Variants in HPS5 observed in about 807,000 individuals in gnomAD.
HPS5 encodes HPS5 biogenesis of lysosomal organelles complex 2 subunit 2.
HPS5 carries 83 observed loss-of-function variants against 128.0 expected under a neutral mutation model. The ratio of observed to expected loss-of-function variants is 0.65; its 90% CI spans 0.54 to 0.78. The LOEUF is 0.78. HPS5 is among the 30% of genes least tolerant of loss of function. The pLI is 0.00. For synonymous variants in HPS5, 475 were observed against 470.2 expected, an observed-to-expected ratio of 1.01 and a Z score of -0.13; for missense variants, 1,281 against 1,326.2, an observed-to-expected ratio of 0.97 and a Z score of 0.53.
Position 18,311,005 on chromosome 11 carries a change from C to T in HPS5, c.285-72G>A, listed in dbSNP as rs903155355. ...GTACAATTTTGTTGCATCACAGTAT[C>T]AACTATATCAAATACATATGCAACT... is the stretch of plus-strand genomic sequence containing the variant. On this transcript the variant is annotated intron_variant, in intron 4 of 22. Transcript: ENST00000349215. 5.7e-5 allele frequency: 59 copies of T among 1,042,058 alleles called. 1 individual carries two copies. Among genetic ancestry groups the T allele is most frequent in the South Asian group, 5.6e-4 (44 of 78,592 alleles). 64.6% of individuals were successfully genotyped at this position (1,042,058 alleles called of 1,614,324 possible). A position where few individuals can be genotyped will look rare whatever the true frequency, so the allele number is the denominator to read the frequency against.
At position 18,285,396 on chromosome 11, in the gene HPS5, AG is replaced by A; in HGVS notation, c.2900del (p.Pro967LeufsTer5). ...SQLILHLIKL[P>X]ADFITKEKMT... ...TTTTCTCTTTGGTTATAAAATCTGC[AG>A]GAAGTTTAATTAGATGAAGGATCAG... On this transcript the variant is annotated frameshift_variant, in exon 20 of 23. Transcript: ENST00000349215. LOFTEE classifies it high-confidence loss of function. The A allele has an allele frequency of 1.9e-6, 3 of 1,613,710 alleles. No individual in the cohort carries two copies. The highest frequency in any genetic ancestry group is 1.3e-5 in the African/African-American group (1 of 75,048).
At chr11:18,297,811 G>T in intron 10 of HPS5, 94 bp from the exon 11 acceptor site, 3 of 1,224,880 alleles carry the variant, frequency 2.4e-6, no homozygotes, top group Non-Finnish European at 3.6e-6. Flanking sequence ...CGGGCACGGT[G>T]GCTCACGCCT....
intron 8 of HPS5, among the ~76,000 whole-genome samples, chr11:18,302,346 G>C (rs975084856): frequency 6.6e-6 from 1 of 152,036 alleles, no homozygotes; most frequent in Admixed American, 6.6e-5. Flanking sequence ...AACTTACAAT[G>C]TTCTTAATCT....
At position 18,310,718 on chromosome 11, in the gene HPS5, C is replaced by T. The variant is rs371610291; in HGVS notation, c.477+23G>A. On this transcript the variant is annotated intron_variant, in intron 5 of 22. Coordinates refer to ENST00000349215, the MANE Select transcript of HPS5 (RefSeq NM_181507.2). ...AACACCTTGTATCTCACTACATACA[C>T]AAAGAATGGGACTGCTTCTCACCTT... 2.5e-6 allele frequency: 4 copies of T among 1,579,390 alleles called. No individual in the cohort carries two copies. In the African/African-American group the frequency reaches 4.0e-5, roughly 16 times the overall value.
rs755354385 is a variant in HPS5, at chr11:18,298,854, C to G, written c.1102G>C (p.Gly368Arg). ...ERCVERLLRRGLWNLAARTCC... is the reference protein window; with the variant it reads ...ERCVERLLRRRLWNLAARTCC... The stretch of plus-strand genomic sequence containing the variant: ...GTACGAGCAGCCAAGTTCCATAGGC[C>G]TCTTCTTAGCAGGCGTTCCACACAG... Residue 368 changes from glycine to arginine, a missense_variant, in exon 10 of 23, where the codon GGC becomes CGC. Gly to Arg is a moderately radical substitution (Grantham distance 125). Coordinates refer to ENST00000349215, the MANE Select transcript of HPS5 (RefSeq NM_181507.2). 1.2e-6 allele frequency: 2 copies of G among 1,614,046 alleles called. No individual in the cohort carries two copies. Among genetic ancestry groups the G allele is most frequent in the Non-Finnish European group, 1.7e-6 (2 of 1,180,044 alleles).
At position 18,287,539 on chromosome 11, in the gene HPS5, G is replaced by A; in HGVS notation, c.2713C>T (p.Gln905Ter). ...CAAATATGCTCTCCTTCTCACCGCT[G>A]ATCTTCAGGCCTTGATTTCACCAGA... ...DSLVKSRPED[Q>*]RSSFLESLLQ... The change falls in exon 18 of 23, where the codon CAG (glutamine) becomes TAG (stop). Residue 905 changes from glutamine (Q) to a stop codon, truncating the protein, a stop_gained. Coordinates refer to ENST00000349215, the MANE Select transcript of HPS5 (RefSeq NM_181507.2). LOFTEE classifies it high-confidence loss of function. 6.2e-7 allele frequency: 1 copy of A among 1,614,046 alleles called. No homozygotes were observed. Among genetic ancestry groups the A allele is most frequent in the Non-Finnish European group, 8.5e-7 (1 of 1,179,964 alleles).
At position 18,306,195 on chromosome 11, in the gene HPS5, A is replaced by AT; in HGVS notation, c.763dup (p.Ile255AsnfsTer27). 1 of 1,614,150 alleles carries AT rather than the reference A, an allele frequency of 6.2e-7. No homozygotes were observed. Among genetic ancestry groups the AT allele is most frequent in the Non-Finnish European group, 8.5e-7 (1 of 1,179,968 alleles). On this transcript the variant is annotated frameshift_variant, in exon 7 of 23. Transcript: ENST00000349215. LOFTEE classifies it high-confidence loss of function. ...GAGTTTCTTGAACTGATGTGTACTT[A>AT]TAACTTCTCCATCAAAGTTCACTTC...
At chr11:18,314,138 C>T (rs1219782075) in intron 2 of HPS5, among the ~76,000 whole-genome samples, 1 of 152,160 alleles carries the variant, frequency 6.6e-6, no homozygotes, top group Non-Finnish European at 1.5e-5. Context: ...CTGCCTGACG[C>T]CAGTTCAAGG....
At chr11:18,294,030 T>C (rs1860757319) in intron 14 of HPS5, among the ~76,000 whole-genome samples, 1 of 152,228 alleles carries the variant, frequency 6.6e-6, no homozygotes, top group African/African-American at 2.4e-5. Context: ...GTTTCTCTCT[T>C]AATTCCTGGG....
At chr11:18,318,660 A>G (rs1863925898) in intron 1 of HPS5, among the ~76,000 whole-genome samples, 1 of 152,364 alleles carries the variant, frequency 6.6e-6, no homozygotes. Flanking sequence ...AGAAAAAAAG[A>G]AAAGAAAATT....
chr11:18,311,330 T>A, intron 4 of HPS5, 57 bp downstream of exon 4: 2 of 1,214,812 alleles, frequency 1.6e-6, no homozygotes, highest in South Asian at 1.2e-5. Flanking sequence ...AACAAACACA[T>A]GTGTCAATTT....
chr11:18,311,333 G>T, intron 4 of HPS5, 54 bp downstream of exon 4: 1 of 1,259,308 alleles, frequency 7.9e-7, no homozygotes, highest in Non-Finnish European at 1.2e-6. Flanking sequence ...AAACACATGT[G>T]TCAATTTAAA....
At chr11:18,302,192 G>A (rs1861783729) in intron 8 of HPS5, among the ~76,000 whole-genome samples, 1 of 151,910 alleles carries the variant, frequency 6.6e-6, no homozygotes, top group Non-Finnish European at 1.5e-5. Context: ...CTGGTCTGGA[G>A]GACTCATTTT....
chr11:18,315,004 T>C (rs1863452038), intron 2 of HPS5, among the ~76,000 whole-genome samples: 1 of 151,176 alleles, frequency 6.6e-6, no homozygotes, highest in Admixed American at 6.6e-5. Context: ...CAGGGCAGCT[T>C]CTTCCTCTTA....
intron 18 of HPS5, 35 bp from the exon 19 acceptor site, chr11:18,286,745 T>C (rs772121827): frequency 6.2e-7 from 1 of 1,612,598 alleles, no homozygotes; most frequent in South Asian, 1.1e-5. Flanking sequence ...TCACCAATCT[T>C]CATGCTAAGA....
At chr11:18,286,962 C>T in intron 18 of HPS5, 1 of 612,208 alleles carries the variant, frequency 1.6e-6, no homozygotes, top group East Asian at 2.7e-5. Flanking sequence ...CAAATAAAAA[C>T]CAGTGTGGCC....
chr11:18,306,308 T>C lies in HPS5; in HGVS notation c.651A>G (p.Gly217=). ...FWKIGNKERD[G]EYGACFFPGR... is the part of the protein sequence containing the mutation. ...CAGGAAAGAAACAAGCTCCATATTC[T>C]CCATCTCTTTCCTTGTTTCCAATTT... The change falls in exon 7 of 23, where the codon GGA becomes GGG. Residue 217 remains glycine, a synonymous_variant. Transcript: ENST00000349215. The C allele has an allele frequency of 6.2e-7, 1 of 1,614,054 alleles. No homozygotes were observed. Among genetic ancestry groups the C allele is most frequent in the Middle Eastern group, 1.6e-4 (1 of 6,062 alleles).
intron 5 of HPS5, 86 bp downstream of exon 5, chr11:18,310,655 G>A: frequency 8.9e-7 from 1 of 1,125,972 alleles, no homozygotes; most frequent in Non-Finnish European, 1.3e-6. Context: ...AAATACAGTA[G>A]ATAAAATCAC....
chr11:18,292,074 A>C, intron 15 of HPS5, 55 bp from the exon 16 acceptor site: 1 of 1,356,566 alleles, frequency 7.4e-7, no homozygotes, highest in Non-Finnish European at 1.1e-6. Context: ...TCTTAAAACA[A>C]ATTAATTCAT....
Sources: allele counts gnomAD v4.1 joint callset (sites outside exome capture counted in the v4.1 genomes callset), GRCh38; gene constraint gnomAD v4.1.1; transcripts MANE v1.5; gene names NCBI Gene and HGNC (gene_info 2026-07-23, HGNC 2026-07-21).